IL1RAPL2: variants seen among roughly 807,000 people sequenced by gnomAD.
IL1RAPL2 encodes interleukin 1 receptor accessory protein like 2.
IL1RAPL2 carries 3 observed loss-of-function variants against 44.1 expected under a neutral mutation model. The ratio of observed to expected loss-of-function variants is 0.07; its 90% CI spans 0.03 to 0.18. IL1RAPL2 has a LOEUF of 0.18. IL1RAPL2 is among the 10% of genes least tolerant of loss of function. The pLI is 1.00. For missense variants in IL1RAPL2, 391 were observed against 496.4 expected (o/e 0.79, Z 2.02); for synonymous variants, 181 against 178.8 (o/e 1.01, Z -0.10).
At chrX:105,709,134 C>G (rs1283133329) in intron 6 of IL1RAPL2, among the ~76,000 whole-genome samples, 1 of 111,958 alleles carries the variant, frequency 8.9e-6, no homozygotes, top group East Asian at 2.8e-4. Flanking sequence ...ATGAAAAACA[C>G]TGGGTCAAAG....
At chrX:105,046,025 C>G (rs2031832764) in intron 2 of IL1RAPL2, among the ~76,000 whole-genome samples, 1 of 111,701 alleles carries the variant, frequency 9.0e-6, no homozygotes, top group African/African-American at 3.3e-5. Flanking sequence ...ACCTCACACT[C>G]TTTCATGAAA....
chrX:104,964,685 G>C (rs1399121311), intron 2 of IL1RAPL2, among the ~76,000 whole-genome samples: 1 of 111,298 alleles, frequency 9.0e-6, no homozygotes, highest in Non-Finnish European at 1.9e-5. Flanking sequence ...TAACATCAAA[G>C]ACAAACAGAT....
rs755687585 is a variant in IL1RAPL2 at position 104,604,603 on chromosome X, TGGAG to T, written c.-20+37554_-20+37557del. Among the ~76,000 whole-genome samples the T allele has an allele frequency of 9.5e-5, 7 of 73,806 alleles. No individual in the cohort carries two copies. The South Asian group carries it at 4.7e-3, about 50-fold the overall frequency. The allele number at this position is 73,806 out of a possible 115,157, so 64.1% of individuals were successfully genotyped here. ...CACACATAGGCTCAAAATAAAGGGA[TGGAG>T]GAATATTTACTGAGGAAATGCATAG... On this transcript the variant is annotated intron_variant, in intron 1 of 10. Coordinates refer to ENST00000372582, the MANE Select transcript of IL1RAPL2 (RefSeq NM_017416.2).
Position 104,737,260 on chromosome X carries a change from C to T in IL1RAPL2, c.82+78265C>T, listed in dbSNP as rs180805137. Among the ~76,000 whole-genome samples, 163 of 112,293 alleles carry T rather than the reference C, an allele frequency of 1.5e-3. 1 individual carries two copies. Among genetic ancestry groups the T allele is most frequent in the African/African-American group, 5.0e-3 (155 of 31,005 alleles). ...TAACAACAATAAGAACAGAATGGTA[C>T]AAGCAATATGTATGTACAGGATTTA... On this transcript the variant is annotated intron_variant, in intron 2 of 10. Transcript: ENST00000372582.
In IL1RAPL2 at chrX:105,287,969, T is replaced by G. The variant is rs774295063; in HGVS notation, c.697+20428T>G. On this transcript the variant is annotated intron_variant, in intron 5 of 10. Transcript: ENST00000372582. ...GGGAGTACAGAAAATCAACAAGTAG[T>G]TACAGTGCAACAATGAGCTAGCTTG... is the stretch of plus-strand genomic sequence containing the variant. Among the ~76,000 whole-genome samples the G allele has an allele frequency of 1.2e-4, 13 of 111,264 alleles. No homozygotes were observed. In the East Asian group the frequency reaches 3.4e-3, roughly 29 times the overall value.
At position 105,654,219 on chromosome X, in the gene IL1RAPL2, T is replaced by C. The variant is rs771750169; in HGVS notation, c.773-63148T>C. On this transcript the variant is annotated intron_variant, in intron 6 of 10. Transcript: ENST00000372582. Reference sequence around the variant, plus strand: ...CACTCCAGAAGAACTTTGTGAAATATTGTAAACTCCTGTCAATATTTCTGG... The same window carrying C: ...CACTCCAGAAGAACTTTGTGAAATACTGTAAACTCCTGTCAATATTTCTGG... 3.7e-5 allele frequency among the ~76,000 whole-genome samples: 4 copies of C among 107,560 alleles called. No individual in the cohort carries two copies. The East Asian group carries it at 8.5e-4, about 23-fold the overall frequency. The allele number at this position is 107,560 out of a possible 115,157, so 93.4% of individuals were successfully genotyped here.
rs760915758 is a variant in IL1RAPL2 at position 105,545,545 on chromosome X, C to T, written c.772+61158C>T. 3.1e-4 allele frequency among the ~76,000 whole-genome samples: 35 copies of T among 111,932 alleles called. No homozygotes were observed. The South Asian group carries it at 5.6e-3, about 18-fold the overall frequency. ...AGGAAAACTTTTTAAGGAAGCCATG[C>T]GAGAATTGGGCTGAGTGCAATGTCT... On this transcript the variant is annotated intron_variant, in intron 6 of 10. Transcript: ENST00000372582.
At chrX:105,188,286 T>C (rs782616227) in intron 2 of IL1RAPL2, among the ~76,000 whole-genome samples, 6 of 110,734 alleles carry the variant, frequency 5.4e-5, no homozygotes, top group Non-Finnish European at 1.1e-4. Context: ...CATCCTGGAT[T>C]TGAAGGGACA....
chrX:105,340,677 T>C (rs754636681), intron 5 of IL1RAPL2, among the ~76,000 whole-genome samples: 1 of 112,177 alleles, frequency 8.9e-6, no homozygotes, highest in Non-Finnish European at 1.9e-5. Flanking sequence ...CTCTAGGTCT[T>C]TGATCCAATA....
At chrX:105,385,255 T>C (rs1156972923) in intron 5 of IL1RAPL2, among the ~76,000 whole-genome samples, 1 of 111,206 alleles carries the variant, frequency 9.0e-6, no homozygotes, top group Admixed American at 9.6e-5. Flanking sequence ...TTGTTGTATA[T>C]GGCCTGTATC....
chrX:104,843,798 T>C (rs752782035), intron 2 of IL1RAPL2, among the ~76,000 whole-genome samples: 3 of 110,268 alleles, frequency 2.7e-5, no homozygotes, highest in East Asian at 2.9e-4. Flanking sequence ...CCTTCTGTGT[T>C]GGTTTTGCTG....
intron 6 of IL1RAPL2, among the ~76,000 whole-genome samples, chrX:105,670,105 GTATATATA>G (rs1171872748): frequency 0.015 from 171 of 11,681 alleles, 11 homozygotes; most frequent in Middle Eastern, 0.1. Flanking sequence ...TGGGTTTCCT[GTATATATA>G]TATATATATA....
At chrX:104,640,378 C>A (rs1229853679) in intron 1 of IL1RAPL2, among the ~76,000 whole-genome samples, 2 of 111,716 alleles carry the variant, frequency 1.8e-5, no homozygotes, top group African/African-American at 6.5e-5. Context: ...AGTTCTCATT[C>A]ATATCCTGAA....
At chrX:105,764,606 G>A (rs372848714) in intron 10 of IL1RAPL2, among the ~76,000 whole-genome samples, 5 of 111,316 alleles carry the variant, frequency 4.5e-5, no homozygotes, top group African/African-American at 1.6e-4. Context: ...TTTGAGACCA[G>A]CCTGAGCAAC....
chrX:105,674,211 G>A (rs1393810467), intron 6 of IL1RAPL2, among the ~76,000 whole-genome samples: 1 of 111,770 alleles, frequency 8.9e-6, no homozygotes, highest in African/African-American at 3.3e-5. Context: ...TATTGCAATC[G>A]CTTATGGTTA....
At chrX:105,724,547 T>C (rs916909644) in intron 7 of IL1RAPL2, among the ~76,000 whole-genome samples, 1 of 111,103 alleles carries the variant, frequency 9.0e-6, no homozygotes, top group Non-Finnish European at 1.9e-5. Context: ...CACAAGGAAA[T>C]CTGAACCCAA....
At chrX:104,982,107 A>G (rs1022335915) in intron 2 of IL1RAPL2, among the ~76,000 whole-genome samples, 1 of 110,953 alleles carries the variant, frequency 9.0e-6, no homozygotes, top group Non-Finnish European at 1.9e-5. Context: ...CAATTTATAC[A>G]TGTAAGAAGC....
intron 6 of IL1RAPL2, among the ~76,000 whole-genome samples, chrX:105,484,979 T>C (rs944679505): frequency 1.8e-5 from 2 of 111,617 alleles, no homozygotes; most frequent in East Asian, 2.8e-4. Flanking sequence ...GAGCTCCTAC[T>C]GCTAATCCTT....
At chrX:104,794,591 C>G (rs1411061345) in intron 2 of IL1RAPL2, among the ~76,000 whole-genome samples, 1 of 111,671 alleles carries the variant, frequency 9.0e-6, no homozygotes, top group African/African-American at 3.3e-5. Flanking sequence ...GATTTTGGTA[C>G]ATGATATTAT....
Sources: allele counts gnomAD v4.1 joint callset (sites outside exome capture counted in the v4.1 genomes callset), GRCh38; gene constraint gnomAD v4.1.1; transcripts MANE v1.5; gene names NCBI Gene and HGNC (gene_info 2026-07-23, HGNC 2026-07-21).